Variants in STK32B observed in about 807,000 individuals in gnomAD.
STK32B encodes serine/threonine-protein kinase 32B.
STK32B carries 43 observed loss-of-function variants against 52.6 expected under a neutral mutation model. The ratio of observed to expected loss-of-function variants is 0.82; its 90% confidence interval spans 0.64 to 1.05. STK32B has a LOEUF of 1.05. Ranked by LOEUF, STK32B falls within the 50% of genes least tolerant of loss-of-function variation. STK32B has a pLI of 0.00. For synonymous variants in STK32B, 238 were observed against 204.3 expected (o/e 1.17, Z -1.41); for missense variants, 621 against 534.6 (o/e 1.16, Z -1.59).
chr4:5,421,127 T>C (rs770869214), intron 6 of STK32B, among the ~76,000 whole-genome samples: 3 of 149,386 alleles, frequency 2.0e-5, no homozygotes, highest in Non-Finnish European at 3.0e-5. Context: ...TCTTGCTCTG[T>C]TGCCCAGCCT....
chr4:5,481,582 A>G (rs546639268), intron 11 of STK32B, among the ~76,000 whole-genome samples: 1,631 of 152,182 alleles, frequency 0.011, 27 homozygotes, highest in African/African-American at 0.037. Context: ...GAAGCTCTTT[A>G]GTTTAATTAG....
rs780195911 is a variant in STK32B, at chr4:5,460,111, C to T, written c.792C>T (p.Thr264=). 11 of 1,614,186 alleles carry T rather than the reference C, an allele frequency of 6.8e-6. No homozygotes were observed. In the East Asian group the frequency reaches 2.2e-4, roughly 33 times the overall value. ...TTGCCCTCTAACTGCAGCTCCTGACCAAGGATCCTGAGAGCCGCGTGTCCA... is the reference window on the plus strand; with the variant it reads ...TTGCCCTCTAACTGCAGCTCCTGACTAAGGATCCTGAGAGCCGCGTGTCCA... The part of the protein sequence containing the change: ...GMVALLRKLL[T]KDPESRVSSL... Residue 264 remains threonine (T), a synonymous_variant, in exon 9 of 12, where the codon ACC becomes ACT. Coordinates refer to ENST00000282908, the MANE Select transcript of STK32B (RefSeq NM_018401.3). The surrounding 1 kb of genome is among the most constrained non-coding windows in gnomAD (Gnocchi z 4.8).
intron 11 of STK32B, among the ~76,000 whole-genome samples, chr4:5,473,476 C>T (rs1205097033): frequency 1.3e-5 from 2 of 152,150 alleles, no homozygotes; most frequent in African/African-American, 2.4e-5. Context: ...CTTATTCCCC[C>T]CCATTTCACA....
intron 1 of STK32B, among the ~76,000 whole-genome samples, chr4:5,090,918 A>G (rs1713045344): frequency 6.6e-6 from 1 of 152,240 alleles, no homozygotes; most frequent in Non-Finnish European, 1.5e-5. Context: ...GCCAAAACTT[A>G]TTTAAGGACA....
rs200146712 is a variant in STK32B at position 5,479,123 on chromosome 4, G to T, written c.1106+11053G>T. On this transcript the variant is annotated intron_variant, in intron 11 of 11. Coordinates refer to ENST00000282908, the MANE Select transcript of STK32B (RefSeq NM_018401.3). Reference sequence around the variant, plus strand: ...TTTTTGTTTGTTTGTTTTTGTTTTTGTTTTTTTTTTTTTTTAGATGGAGTC... The same window carrying T: ...TTTTTGTTTGTTTGTTTTTGTTTTTTTTTTTTTTTTTTTTTAGATGGAGTC... 9.4e-4 allele frequency among the ~76,000 whole-genome samples: 131 copies of T among 139,398 alleles called. 6 individuals are homozygous for T. The highest frequency in any genetic ancestry group is 5.1e-4 in the Non-Finnish European group (33 of 64,750). 91.5% of individuals were successfully genotyped at this position (139,398 alleles called of 152,430 possible).
chr4:5,298,511 C>T (rs1729355231), intron 3 of STK32B, among the ~76,000 whole-genome samples: 1 of 152,140 alleles, frequency 6.6e-6, no homozygotes, highest in South Asian at 2.1e-4. Flanking sequence ...GAGAGTCAGT[C>T]TGGCTGCAGC....
rs555483606 is a variant in STK32B at position 5,072,451 on chromosome 4, A to G, written c.52+20536A>G. Among the ~76,000 whole-genome samples the G allele has an allele frequency of 3.9e-5, 6 of 152,228 alleles. No homozygotes were observed. The South Asian group carries it at 1.2e-3, about 32-fold the overall frequency. ...CATGCTTGACTTTTCTCTTCTTTGC[A>G]CATTGCAGAAACCCCCTTACCTGTG... is the stretch of plus-strand genomic sequence containing the variant. On this transcript the variant is annotated intron_variant, in intron 1 of 11. Coordinates refer to ENST00000282908, the MANE Select transcript of STK32B (RefSeq NM_018401.3).
chr4:5,168,520 T>C, intron 3 of STK32B, 70 bp downstream of exon 3: 1 of 1,485,650 alleles, frequency 6.7e-7, no homozygotes, highest in Admixed American at 2.5e-5. Flanking sequence ...TCGCCTCTGC[T>C]AGAGGGACTC....
At chr4:5,436,633 C>T in intron 6 of STK32B, 1 of 985,398 alleles carries the variant, frequency 1.0e-6, no homozygotes, top group Non-Finnish European at 1.2e-6. Flanking sequence ...ACATGAGCAG[C>T]ATGTGAGCAA....
chr4:5,266,380 C>G lies in STK32B; in HGVS notation c.261-64840C>G, dbSNP rs191881221. Among the ~76,000 whole-genome samples the G allele has an allele frequency of 2.6e-5, 4 of 152,264 alleles. No homozygotes were observed. In the East Asian group the frequency reaches 7.7e-4, roughly 29 times the overall value. On this transcript the variant is annotated intron_variant, in intron 3 of 11. Coordinates refer to ENST00000282908, the MANE Select transcript of STK32B (RefSeq NM_018401.3). ...CCTCTTCAGAGCTGCACAAATGTCT[C>G]CAGGGAGTGACTGGGGGTAAAAGGG...
In STK32B at chr4:5,467,363, C is replaced by T. The variant is rs1033061307; in HGVS notation, c.1041+529C>T. 6.6e-6 allele frequency among the ~76,000 whole-genome samples: 1 copy of T among 152,140 alleles called. No individual in the cohort carries two copies. The highest frequency in any genetic ancestry group is 6.5e-5 in the Admixed American group (1 of 15,276). On this transcript the variant is annotated intron_variant, in intron 10 of 11. Transcript: ENST00000282908. The surrounding 1 kb of genome is among the most constrained non-coding windows in gnomAD (Gnocchi z 5.8). ...GGCTCCCCAGGCTTCGAGTGGCGGC[C>T]GGCCCCCTTGTCCTTCGCTGGCTCG...
chr4:5,263,957 T>C (rs2108848165), intron 3 of STK32B, among the ~76,000 whole-genome samples: 1 of 152,356 alleles, frequency 6.6e-6, no homozygotes, highest in East Asian at 1.9e-4. Flanking sequence ...AAGCATAATG[T>C]TTTTGAGATT....
intron 4 of STK32B, among the ~76,000 whole-genome samples, chr4:5,343,341 G>C (rs190340194): frequency 2.1e-3 from 324 of 152,108 alleles, no homozygotes; most frequent in African/African-American, 7.0e-3. Context: ...TCTTCATCCA[G>C]TCTATCATTG....
chr4:5,209,388 A>AT (rs1277192884), intron 3 of STK32B, among the ~76,000 whole-genome samples: 3 of 146,040 alleles, frequency 2.1e-5, no homozygotes, highest in Non-Finnish European at 3.0e-5. Flanking sequence ...TGCCTGGCTA[A>AT]TTTTTTTGTA....
intron 3 of STK32B, among the ~76,000 whole-genome samples, chr4:5,267,993 C>T (rs1441111592): frequency 6.6e-6 from 1 of 152,122 alleles, no homozygotes; most frequent in Non-Finnish European, 1.5e-5. Flanking sequence ...TGGGAGGTTG[C>T]TTTGGACAAG....
At chr4:5,189,914 T>A (rs952366850) in intron 3 of STK32B, among the ~76,000 whole-genome samples, 1 of 152,124 alleles carries the variant, frequency 6.6e-6, no homozygotes, top group African/African-American at 2.4e-5. Context: ...TTTTTACCAC[T>A]CTATTCCCAG....
intron 11 of STK32B, among the ~76,000 whole-genome samples, chr4:5,488,081 C>T (rs546451717): frequency 2.6e-5 from 4 of 152,114 alleles, no homozygotes; most frequent in East Asian, 3.9e-4. Flanking sequence ...ACCTGATAAC[C>T]CTATTCTTAT....
At chr4:5,061,703 G>A (rs1342155234) in intron 1 of STK32B, among the ~76,000 whole-genome samples, 1 of 152,076 alleles carries the variant, frequency 6.6e-6, no homozygotes, top group African/African-American at 2.4e-5. Context: ...GTCCTGTGAG[G>A]GCTGGTCTAT....
rs140243154 is a variant in STK32B, at chr4:5,399,221, G to A, written c.472+977G>A. Among the ~76,000 whole-genome samples the A allele has an allele frequency of 3.9e-3, 590 of 152,244 alleles. 6 individuals are homozygous for A. The highest frequency in any genetic ancestry group is 0.014 in the African/African-American group (568 of 41,542). On this transcript the variant is annotated intron_variant, in intron 5 of 11. Transcript: ENST00000282908. This position sits in a 1 kb window ranked among gnomAD's most constrained non-coding sequence, Gnocchi z 5.4. ...GGGGTTGGCTGGAGGGAGCAGGTGC[G>A]AATTCTTCTGAAGTAGGGATTCTCA...
Sources: allele counts gnomAD v4.1 joint callset (sites outside exome capture counted in the v4.1 genomes callset), GRCh38; gene constraint gnomAD v4.1.1; non-coding constraint Gnocchi (gnomAD v3.1); transcripts MANE v1.5; gene names NCBI Gene and HGNC (gene_info 2026-07-23, HGNC 2026-07-21).